SGCD: variants seen among roughly 807,000 people sequenced by gnomAD.
SGCD encodes sarcoglycan delta, also known as delta-sarcoglycan.
SGCD carries 18 observed loss-of-function variants against 36.6 expected under a neutral mutation model. The observed-to-expected ratio is 0.49, with a 90% CI of 0.34 to 0.73. The LOEUF (loss-of-function observed/expected upper bound fraction) is 0.73, where lower values mean the gene tolerates loss of function less well. Ranked by LOEUF, SGCD falls within the 30% of genes least tolerant of loss-of-function variation. The pLI is 0.01. For missense variants in SGCD, 387 were observed against 346.7 expected (o/e 1.12, Z -0.92); for synonymous variants, 133 against 130.6 (o/e 1.02, Z -0.12).
At chr5:156,229,892 T>C (rs533859326) in intron 3 of SGCD, among the ~76,000 whole-genome samples, 3 of 152,316 alleles carry the variant, frequency 2.0e-5, no homozygotes, top group East Asian at 1.9e-4. Context: ...TTGGATTGGG[T>C]TAATTCGAAG....
At chr5:156,622,343 G>A (rs957287646) in intron 6 of SGCD, among the ~76,000 whole-genome samples, 4 of 151,552 alleles carry the variant, frequency 2.6e-5, no homozygotes, top group African/African-American at 7.3e-5. Flanking sequence ...TGAGGCAGGA[G>A]AATCACTTGA....
intron 1 of SGCD, among the ~76,000 whole-genome samples, chr5:155,989,290 T>G (rs1758388509): frequency 1.3e-5 from 2 of 152,224 alleles, no homozygotes; most frequent in Admixed American, 1.3e-4. Flanking sequence ...ATGTTTTATG[T>G]ATAGAATTTT....
chr5:156,543,533 T>A (rs184137047), intron 4 of SGCD, among the ~76,000 whole-genome samples: 30 of 152,318 alleles, frequency 2.0e-4, no homozygotes, highest in Admixed American at 1.8e-3. Context: ...ACTTTGAGCA[T>A]CTTTCCCTTG....
At chr5:156,671,845 T>G (rs1224794197) in intron 7 of SGCD, among the ~76,000 whole-genome samples, 1 of 152,046 alleles carries the variant, frequency 6.6e-6, no homozygotes, top group African/African-American at 2.4e-5. Context: ...CTCAGGAAGC[T>G]TTTACCTGTG....
At chr5:155,748,368 C>T in the SGCD span, among the ~76,000 whole-genome samples, 1 of 152,006 alleles carries the variant, frequency 6.6e-6, no homozygotes, top group Non-Finnish European at 1.5e-5. Context: ...TATATAATAT[C>T]CTGATCAATT....
chr5:156,506,406 C>T lies in SGCD; in HGVS notation c.193-2195C>T, dbSNP rs1437115366. On this transcript the variant is annotated intron_variant, in intron 3 of 8. Transcript: ENST00000337851. ...ACACCCCTTATTTTCCAGTTCCGTC[C>T]GCAGAAACAAAGGCTCATCCAGTAA... Among the ~76,000 whole-genome samples the T allele has an allele frequency of 5.3e-5, 8 of 152,058 alleles. No individual in the cohort carries two copies. The East Asian group carries it at 5.8e-4, about 11-fold the overall frequency.
chr5:156,386,045 G>A (rs188158115), intron 3 of SGCD, among the ~76,000 whole-genome samples: 2 of 152,320 alleles, frequency 1.3e-5, no homozygotes, highest in East Asian at 3.9e-4. Flanking sequence ...GATGACTACA[G>A]TGTTTCTTAT....
At position 156,752,439 on chromosome 5, in the gene SGCD, C is replaced by T. The variant is rs1757179725; in HGVS notation, c.576-5142C>T. ...ATGGAGTCTTGCTCTGTCTCCCAGG[C>T]TAGAGTGCAGTGGCACAACCTCAGC... On this transcript the variant is annotated intron_variant, in intron 7 of 8. Transcript: ENST00000337851. Among the ~76,000 whole-genome samples, 3 of 152,326 alleles carry T rather than the reference C, an allele frequency of 2.0e-5. No homozygotes were observed. The South Asian group carries it at 6.2e-4, about 32-fold the overall frequency.
At chr5:156,508,477 G>C in intron 3 of SGCD, 124 bp from the exon 4 acceptor site, 1 of 627,632 alleles carries the variant, frequency 1.6e-6, no homozygotes. Context: ...TTGAATACCC[G>C]TCCTCATTCC....
rs552238937 is a variant in SGCD, at chr5:156,245,182, T to C, written c.-43-84352T>C. Reference sequence around the variant, plus strand: ...ATAGTCTTCTCTCTGGCATTTATTTTACGGTGCTTCCTCAAATATCTTCTC... The same window carrying C: ...ATAGTCTTCTCTCTGGCATTTATTTCACGGTGCTTCCTCAAATATCTTCTC... On this transcript the variant is annotated intron_variant, in intron 3 of 9. Transcript: ENST00000517913. 1.2e-3 allele frequency among the ~76,000 whole-genome samples: 189 copies of C among 152,318 alleles called. 1 individual carries two copies. The highest frequency in any genetic ancestry group is 2.5e-3 in the Non-Finnish European group (169 of 68,028).
At chr5:155,797,361 C>CT in the SGCD span, among the ~76,000 whole-genome samples, 1 of 152,130 alleles carries the variant, frequency 6.6e-6, no homozygotes, top group Admixed American at 6.5e-5. Context: ...TGCAAAAACT[C>CT]TAAGAACTTT....
intron 3 of SGCD, among the ~76,000 whole-genome samples, chr5:156,223,638 G>A (rs1395772732): frequency 6.6e-6 from 1 of 152,092 alleles, no homozygotes; most frequent in African/African-American, 2.4e-5. Flanking sequence ...TTGTGATAAT[G>A]AGGGCCAGAA....
At chr5:156,198,069 G>A (rs1210908793) in intron 3 of SGCD, among the ~76,000 whole-genome samples, 10 of 151,952 alleles carry the variant, frequency 6.6e-5, no homozygotes, top group African/African-American at 1.9e-4. Flanking sequence ...AATATAGTGC[G>A]AACTTTAAAA....
chr5:156,344,406 A>G (rs1457621336), intron 2 of SGCD, 83 bp from the exon 3 acceptor site: 4 of 915,298 alleles, frequency 4.4e-6, no homozygotes, highest in East Asian at 3.0e-5. Context: ...TCTCTTCATC[A>G]GTTGATTTTT....
At chr5:156,369,503 G>A (rs376618004) in intron 3 of SGCD, among the ~76,000 whole-genome samples, 4 of 152,278 alleles carry the variant, frequency 2.6e-5, no homozygotes, top group East Asian at 1.9e-4. Context: ...CCTGCAGGGC[G>A]TTGAATATGT....
the SGCD span, among the ~76,000 whole-genome samples, chr5:155,802,988 C>T: frequency 3.3e-5 from 5 of 152,188 alleles, no homozygotes; most frequent in South Asian, 4.1e-4. Context: ...TCTAAACTTA[C>T]ATTCCTAGAA....
intron 3 of SGCD, among the ~76,000 whole-genome samples, chr5:156,282,810 A>T (rs1013208093): frequency 6.6e-6 from 1 of 152,204 alleles, no homozygotes; most frequent in Non-Finnish European, 1.5e-5. Context: ...AAAGAGAAAG[A>T]TTGACATTAT....
At chr5:155,890,470 C>A (rs897401762) in intron 1 of SGCD, among the ~76,000 whole-genome samples, 23 of 151,898 alleles carry the variant, frequency 1.5e-4, no homozygotes, top group African/African-American at 4.8e-4. Flanking sequence ...ACAAAAAATA[C>A]AAAATTTTGC....
intron 3 of SGCD, among the ~76,000 whole-genome samples, chr5:156,237,866 T>C (rs1212786658): frequency 6.6e-6 from 1 of 151,892 alleles, no homozygotes; most frequent in Non-Finnish European, 1.5e-5. Flanking sequence ...AGACCTTGCC[T>C]CAAAACAAAT....
Sources: allele counts gnomAD v4.1 joint callset (sites outside exome capture counted in the v4.1 genomes callset), GRCh38; gene constraint gnomAD v4.1.1; transcripts MANE v1.5; gene names NCBI Gene and HGNC (gene_info 2026-07-23, HGNC 2026-07-21).